The following SRGAP1 variants were observed in gnomAD, a reference collection of about 807,000 sequenced individuals.
SRGAP1 encodes SLIT-ROBO Rho GTPase activating protein 1.
In SRGAP1, 43 loss-of-function variants were observed where a neutral mutation model predicts 121.9. That is an observed-to-expected ratio of 0.35 (90% CI 0.28 to 0.46). The LOEUF (loss-of-function observed/expected upper bound fraction) is 0.46. Ranked by LOEUF, SRGAP1 falls within the 20% of genes least tolerant of loss-of-function variation. The pLI, the probability that SRGAP1 is intolerant of heterozygous loss-of-function variation, is 1.00. For missense variants in SRGAP1, 1,102 were observed against 1,350.9 expected (o/e 0.82, Z 2.89); for synonymous variants, 447 against 485.4 (o/e 0.92, Z 1.04).
intron 1 of SRGAP1, among the ~76,000 whole-genome samples, chr12:63,975,371 C>A (rs2033065210): frequency 6.6e-6 from 1 of 152,198 alleles, no homozygotes; most frequent in South Asian, 2.1e-4. Flanking sequence ...ACTCCACTTA[C>A]AACAAATTCA....
At chr12:63,896,433 C>T (rs1900756709) in intron 1 of SRGAP1, among the ~76,000 whole-genome samples, 1 of 152,156 alleles carries the variant, frequency 6.6e-6, no homozygotes, top group Non-Finnish European at 1.5e-5. Context: ...GTGGTTCTTT[C>T]TCCATGTTAC....
chr12:63,869,564 A>G (rs1435275922), intron 1 of SRGAP1, among the ~76,000 whole-genome samples: 1 of 152,158 alleles, frequency 6.6e-6, no homozygotes, highest in Non-Finnish European at 1.5e-5. Flanking sequence ...TCAGCACCTT[A>G]TTCTCACAAG....
chr12:63,946,151 T>C (rs2032039133), intron 1 of SRGAP1, among the ~76,000 whole-genome samples: 2 of 152,160 alleles, frequency 1.3e-5, no homozygotes, highest in Non-Finnish European at 2.9e-5. Flanking sequence ...GAAATGGAGG[T>C]CTTTGTAATG....
chr12:64,088,285 T>A (rs2035983936), intron 11 of SRGAP1, among the ~76,000 whole-genome samples: 1 of 152,210 alleles, frequency 6.6e-6, no homozygotes, highest in East Asian at 1.9e-4. Context: ...TACCTCGACC[T>A]GGTAATATGC....
intron 10 of SRGAP1, among the ~76,000 whole-genome samples, chr12:64,085,501 C>T (rs965666610): frequency 6.6e-6 from 1 of 152,106 alleles, no homozygotes; most frequent in African/African-American, 2.4e-5. Flanking sequence ...CCCAACACAA[C>T]CTAAATGGTG....
chr12:63,975,985 C>T (rs2033082569), intron 1 of SRGAP1, among the ~76,000 whole-genome samples: 1 of 152,108 alleles, frequency 6.6e-6, no homozygotes, highest in Admixed American at 6.6e-5. Flanking sequence ...GTGTCGGATG[C>T]TTAGCATTGC....
chr12:64,039,113 C>G (rs2034956478), intron 4 of SRGAP1: 1 of 152,152 alleles, frequency 6.6e-6, no homozygotes, highest in Non-Finnish European at 1.5e-5. Context: ...AATTAGAGTT[C>G]TCGAAAAAGC....
At position 64,013,136 on chromosome 12, in the gene SRGAP1, A is replaced by G. The variant is rs74533100; in HGVS notation, c.427-3814A>G. ...AGTAATGTCGTATGCTAACTGGGCCACACCAAGTGCATTTTGGTTTAAAGA... is the reference window on the plus strand; with the variant it reads ...AGTAATGTCGTATGCTAACTGGGCCGCACCAAGTGCATTTTGGTTTAAAGA... On this transcript the variant is annotated intron_variant, in intron 3 of 21. Coordinates refer to ENST00000355086, the MANE Select transcript of SRGAP1 (RefSeq NM_020762.4). Among the ~76,000 whole-genome samples the G allele has an allele frequency of 1.0e-2, 1,519 of 152,326 alleles. 10 individuals carry two copies. Among genetic ancestry groups the G allele is most frequent in the South Asian group, 0.025 (121 of 4,826 alleles).
intron 2 of SRGAP1, among the ~76,000 whole-genome samples, chr12:63,986,711 C>G (rs930584256): frequency 6.6e-6 from 1 of 152,204 alleles, no homozygotes; most frequent in African/African-American, 2.4e-5. Context: ...GTGTGAGCCA[C>G]TGTGCACAGC....
chr12:63,884,686 C>T (rs1357700546), intron 1 of SRGAP1, among the ~76,000 whole-genome samples: 1 of 150,852 alleles, frequency 6.6e-6, no homozygotes, highest in Non-Finnish European at 1.5e-5. Flanking sequence ...CCTCTCCCCT[C>T]TTCCCGCTTC....
chr12:63,976,531 G>T (rs1416099400), intron 1 of SRGAP1, among the ~76,000 whole-genome samples: 1 of 152,098 alleles, frequency 6.6e-6, no homozygotes, highest in Non-Finnish European at 1.5e-5. Context: ...CTGAGAATGG[G>T]ACTCATGACT....
chr12:63,976,861 A>C (rs1242488618), intron 1 of SRGAP1, among the ~76,000 whole-genome samples: 9 of 152,108 alleles, frequency 5.9e-5, no homozygotes, highest in Admixed American at 5.9e-4. Flanking sequence ...TTTCTGACCT[A>C]GTCTGTGACT....
intron 1 of SRGAP1, among the ~76,000 whole-genome samples, chr12:63,944,931 A>G (rs1181352361): frequency 6.6e-6 from 1 of 152,174 alleles, no homozygotes; most frequent in Non-Finnish European, 1.5e-5. Context: ...CTTCCTAGGT[A>G]GGCTGCTCTG....
intron 1 of SRGAP1, among the ~76,000 whole-genome samples, chr12:63,978,410 T>G (rs2136401069): frequency 6.6e-6 from 1 of 152,320 alleles, no homozygotes; most frequent in South Asian, 2.1e-4. Flanking sequence ...ATCTACTTTC[T>G]GTCTCTATAG....
intron 8 of SRGAP1, among the ~76,000 whole-genome samples, chr12:64,074,604 A>G (rs1301770991): frequency 6.6e-6 from 1 of 151,954 alleles, no homozygotes; most frequent in African/African-American, 2.4e-5. Flanking sequence ...TTTAATACAT[A>G]CTCAAAATTT....
intron 4 of SRGAP1, among the ~76,000 whole-genome samples, chr12:64,024,096 A>G (rs570989940): frequency 6.6e-6 from 1 of 152,232 alleles, no homozygotes; most frequent in African/African-American, 2.4e-5. Flanking sequence ...TATGGGTTAC[A>G]GAATGGGCAA....
At chr12:64,071,888 A>G (rs2035643715) in intron 8 of SRGAP1, among the ~76,000 whole-genome samples, 1 of 152,050 alleles carries the variant, frequency 6.6e-6, no homozygotes, top group Non-Finnish European at 1.5e-5. Flanking sequence ...CCAAAAAAAA[A>G]AGTCGTGGGG....
rs752519015 is a variant in SRGAP1, at chr12:64,142,635, C to T, written c.3221C>T (p.Pro1074Leu). 1 of 1,614,194 alleles carries T rather than the reference C, an allele frequency of 6.2e-7. No individual in the cohort carries two copies. The highest frequency in any genetic ancestry group is 1.1e-5 in the South Asian group (1 of 91,084). Reference sequence around the variant, plus strand: ...AATCCTACCATAGGACCTGCCCCACCTCCCCAGGGTCCAACAGACAAGTCA... The same window carrying T: ...AATCCTACCATAGGACCTGCCCCACTTCCCCAGGGTCCAACAGACAAGTCA... Reference protein sequence around the residue: ...KTNPTIGPAPPPQGPTDKSCT... With the variant: ...KTNPTIGPAPLPQGPTDKSCT... The change falls in exon 22 of 22, where the codon CCT (proline) becomes CTT (leucine). Residue 1074 changes from proline (P) to leucine (L), a missense_variant. This residue lies in a region of SRGAP1 where 315 missense variants were observed against 343.1 expected (regional missense o/e 0.92). Coordinates refer to ENST00000355086, the MANE Select transcript of SRGAP1 (RefSeq NM_020762.4).
At chr12:64,092,068 G>A (rs1458752945) in intron 12 of SRGAP1, 1 of 684,836 alleles carries the variant, frequency 1.5e-6, no homozygotes, top group African/African-American at 1.8e-5. Flanking sequence ...TTTATAAATA[G>A]GTTTTACTTA....
Sources: gnomAD v4.1 joint callset for allele counts (sites outside exome capture counted in the v4.1 genomes callset) on GRCh38, gnomAD v4.1.1 for gene constraint, gnomAD v4.1.1 regional missense constraint, MANE v1.5 for transcripts, NCBI Gene and HGNC (gene_info 2026-07-23, HGNC 2026-07-21) for gene names.